CSMD2: variants seen among roughly 807,000 people sequenced by gnomAD.
The protein encoded by CSMD2 is CUB and Sushi multiple domains 2, also known as CUB and sushi domain-containing protein 2.
In CSMD2, 130 loss-of-function variants were observed where a neutral mutation model predicts 398.5. The observed-to-expected ratio is 0.33, with a 90% CI of 0.28 to 0.38. The LOEUF (loss-of-function observed/expected upper bound fraction) is 0.38, where lower values mean the gene tolerates loss of function less well. Ranked by LOEUF, CSMD2 falls within the 10% of genes least tolerant of loss-of-function variation. CSMD2 has a pLI of 1.00. For synonymous variants in CSMD2, 1,828 were observed against 1,908.5 expected (o/e 0.96, Z 1.10); for missense variants, 3,829 against 4,764.9 (o/e 0.80, Z 5.78).
intron 37 of CSMD2, among the ~76,000 whole-genome samples, chr1:33,621,505 A>G (rs566420312): frequency 9.2e-5 from 14 of 152,280 alleles, no homozygotes; most frequent in African/African-American, 3.1e-4. Flanking sequence ...AGTGCCTGGC[A>G]TGTTGTAAAT....
At chr1:33,712,566 T>C (rs1425709896) in intron 21 of CSMD2, among the ~76,000 whole-genome samples, 1 of 152,214 alleles carries the variant, frequency 6.6e-6, no homozygotes, top group African/African-American at 2.4e-5. Context: ...AAGACAAATG[T>C]AATAATGAAA....
intron 3 of CSMD2, among the ~76,000 whole-genome samples, chr1:34,026,320 T>C (rs1235315907): frequency 2.0e-5 from 3 of 151,788 alleles, no homozygotes; most frequent in African/African-American, 7.3e-5. Context: ...TACCAAGGAG[T>C]CCACAAAAAA....
At position 33,623,406 on chromosome 1, in the gene CSMD2, C is replaced by A; in HGVS notation, c.5686G>T (p.Ala1896Ser). 6.2e-7 allele frequency: 1 copy of A among 1,614,178 alleles called. No homozygotes were observed. The highest frequency in any genetic ancestry group is 8.5e-7 in the Non-Finnish European group (1 of 1,180,022). ...CCCAGCATGGTTACAGTGTTATCTG[C>A]ACCATCAAATACTTCCAGCGAGTCC... ...NWDSLEVFDG[A>S]DNTVTMLGSF... is the part of the protein sequence containing the mutation. Residue 1896 changes from alanine to serine, a missense_variant, in exon 36 of 71, where the codon GCA becomes TCA. Physicochemically the swap from Ala to Ser is moderately conservative, Grantham distance 99 (BLOSUM62 1). This residue lies in a region of CSMD2 where 2,001 missense variants were observed against 2,567.1 expected (regional missense o/e 0.78). Transcript: ENST00000373381.
At chr1:34,133,047 T>C (rs1011744649) in intron 1 of CSMD2, among the ~76,000 whole-genome samples, 1 of 151,828 alleles carries the variant, frequency 6.6e-6, no homozygotes, top group African/African-American at 2.4e-5. Context: ...TCACCAAACA[T>C]TGGTTGGGCA....
chr1:33,832,308 C>T (rs1485173333), intron 6 of CSMD2, among the ~76,000 whole-genome samples: 1 of 151,950 alleles, frequency 6.6e-6, no homozygotes, highest in Non-Finnish European at 1.5e-5. Context: ...TTATAACAAA[C>T]TGTCTCTCAG....
intron 25 of CSMD2, among the ~76,000 whole-genome samples, chr1:33,684,551 A>G (rs973971166): frequency 2.2e-4 from 33 of 152,216 alleles, no homozygotes; most frequent in Non-Finnish European, 7.3e-5. Context: ...GAATATAACC[A>G]GGATCCCTCA....
At chr1:33,629,985 G>T (rs1336686683) in intron 32 of CSMD2, among the ~76,000 whole-genome samples, 1 of 151,982 alleles carries the variant, frequency 6.6e-6, no homozygotes, top group Admixed American at 6.6e-5. Flanking sequence ...TAGATCACTT[G>T]AGGTCAGGAG....
intron 13 of CSMD2, among the ~76,000 whole-genome samples, chr1:33,754,716 T>C (rs1648753445): frequency 1.3e-5 from 2 of 152,234 alleles, no homozygotes; most frequent in South Asian, 4.1e-4. Context: ...AGGTTCCTTA[T>C]CTAAAGCATA....
chr1:33,577,670 A>C (rs1638381543), intron 48 of CSMD2, among the ~76,000 whole-genome samples, 186 bp from the exon 49 acceptor site: 1 of 152,192 alleles, frequency 6.6e-6, no homozygotes, highest in African/African-American at 2.4e-5. Context: ...GGTAAAGCCG[A>C]AACAAAACAA....
chr1:33,681,661 G>A (rs1644912144), intron 25 of CSMD2, among the ~76,000 whole-genome samples: 1 of 152,080 alleles, frequency 6.6e-6, no homozygotes, highest in Non-Finnish European at 1.5e-5. Flanking sequence ...AACAAACTTG[G>A]TGGCTTAAAA....
chr1:33,881,665 TC>T (rs1641248794), intron 5 of CSMD2, among the ~76,000 whole-genome samples: 1 of 152,190 alleles, frequency 6.6e-6, no homozygotes, highest in Non-Finnish European at 1.5e-5. Flanking sequence ...GAAAATTTGT[TC>T]CTAATCCTGT....
At chr1:33,823,638 A>G (rs1361527064) in intron 7 of CSMD2, among the ~76,000 whole-genome samples, 2 of 151,502 alleles carry the variant, frequency 1.3e-5, no homozygotes, top group Admixed American at 6.6e-5. Flanking sequence ...AGTTGGGTCC[A>G]CTCTCCCCAT....
intron 3 of CSMD2, among the ~76,000 whole-genome samples, chr1:33,999,098 C>G (rs1212963920): frequency 6.6e-6 from 1 of 152,190 alleles, no homozygotes; most frequent in Non-Finnish European, 1.5e-5. Flanking sequence ...CCTAACAGCC[C>G]ATTAAGGCCC....
intron 13 of CSMD2, among the ~76,000 whole-genome samples, chr1:33,762,371 T>C (rs1225287282): frequency 6.6e-6 from 1 of 152,198 alleles, no homozygotes. Flanking sequence ...ACAGAGCCTG[T>C]TGGCTTGATC....
rs61207590 is a variant in CSMD2, at chr1:33,648,361, C to CAAAAA, written c.4587-1531_4587-1527dup. Among the ~76,000 whole-genome samples, 44 of 71,830 alleles carry CAAAAA rather than the reference C, an allele frequency of 6.1e-4. 1 individual carries two copies. The East Asian group carries it at 0.013, about 21-fold the overall frequency. The allele number at this position is 71,830 out of a possible 152,430, so 47.1% of individuals were successfully genotyped here. A position where few individuals can be genotyped will look rare whatever the true frequency, so the allele number is the denominator to read the frequency against. On this transcript the variant is annotated intron_variant, in intron 28 of 70. Transcript: ENST00000373381. ...TGGGTGACAGAGCGAGACTCTGTCTCAAAAAAAAAAAAAAAAAAGCAGAGC... is the reference window on the plus strand; with the variant it reads ...TGGGTGACAGAGCGAGACTCTGTCTCAAAAAAAAAAAAAAAAAAAAAAAGCAGAGC...
intron 3 of CSMD2, among the ~76,000 whole-genome samples, chr1:33,988,593 C>G (rs1646439526): frequency 6.6e-6 from 1 of 152,158 alleles, no homozygotes; most frequent in Admixed American, 6.5e-5. Flanking sequence ...AAGTTGTTGT[C>G]TCCTGTGGCT....
chr1:34,130,567 GA>G (rs1663243239), intron 1 of CSMD2, among the ~76,000 whole-genome samples: 1 of 151,996 alleles, frequency 6.6e-6, no homozygotes, highest in African/African-American at 2.4e-5. Flanking sequence ...AGGGGTGACC[GA>G]ATCAGATCTG....
At chr1:33,820,432 C>T (rs1170795930) in intron 8 of CSMD2, 37 bp downstream of exon 8, 10 of 1,440,246 alleles carry the variant, frequency 6.9e-6, no homozygotes, top group African/African-American at 1.4e-5. Context: ...GCCACCCCAC[C>T]CTTCTTGCAA....
intron 3 of CSMD2, among the ~76,000 whole-genome samples, chr1:33,946,641 C>T (rs765168640): frequency 1.1e-4 from 16 of 147,682 alleles, no homozygotes; most frequent in South Asian, 4.3e-4. Context: ...TTTTTTGAGA[C>T]GGAGTCTTAC....
Sources: gnomAD v4.1 joint callset for allele counts (sites outside exome capture counted in the v4.1 genomes callset) on GRCh38, gnomAD v4.1.1 for gene constraint, gnomAD v4.1.1 regional missense constraint, MANE v1.5 for transcripts, NCBI Gene and HGNC (gene_info 2026-07-23, HGNC 2026-07-21) for gene names.